MARCHF8: variants seen among roughly 807,000 people sequenced by gnomAD.
The protein encoded by MARCHF8 is membrane associated ring-CH-type finger 8, also known as E3 ubiquitin-protein ligase MARCHF8.
Under a neutral mutation model 51.6 loss-of-function variants are expected in MARCHF8, and 40 were observed. The observed-to-expected ratio is 0.77, with a 90% confidence interval of 0.60 to 1.01. MARCHF8 has a LOEUF of 1.01. Among genes scored for constraint, MARCHF8 ranks in the 50% least tolerant of loss-of-function variants. MARCHF8 has a pLI of 0.00. For missense variants in MARCHF8, 685 were observed against 708.6 expected (o/e 0.97, Z 0.38); for synonymous variants, 263 against 280.3 (o/e 0.94, Z 0.62).
At chr10:45,477,865 A>C (rs914696573) in intron 3 of MARCHF8, among the ~76,000 whole-genome samples, 1 of 152,234 alleles carries the variant, frequency 6.6e-6, no homozygotes, top group Admixed American at 6.5e-5. Flanking sequence ...TCAAGAGGCT[A>C]TAACACTTCT....
chr10:45,520,175 C>G (rs1564499265), intron 2 of MARCHF8, among the ~76,000 whole-genome samples: 1 of 152,164 alleles, frequency 6.6e-6, no homozygotes, highest in Non-Finnish European at 1.5e-5. Context: ...TGTAAGGATT[C>G]AATTTAGTGA....
In MARCHF8 at chr10:45,458,401, A is replaced by G. The variant is rs1489096684; in HGVS notation, c.1560T>C (p.Val520=). 1.9e-5 allele frequency: 30 copies of G among 1,614,048 alleles called. No individual in the cohort carries two copies. The highest frequency in any genetic ancestry group is 1.5e-4 in the Admixed American group (9 of 59,994). ...TTTTGCTTGTTTCTGGACAGTTTTG[A>G]ACATAGATCACTCTATTATAGGCCT... ...RLKAYNRVIY[V]QNCPETSKKN... The change falls in exon 8 of 8, where the codon GTT becomes GTC. Residue 520 remains valine, a synonymous_variant. Transcript: ENST00000453424.
At chr10:45,552,149 C>A (rs1166075056) in intron 1 of MARCHF8, among the ~76,000 whole-genome samples, 1 of 152,022 alleles carries the variant, frequency 6.6e-6, no homozygotes, top group East Asian at 1.9e-4. Flanking sequence ...AGTTTCCTAA[C>A]CTTTCTGCAC....
At chr10:45,580,877 C>T (rs2044547919) in intron 1 of MARCHF8, among the ~76,000 whole-genome samples, 1 of 152,148 alleles carries the variant, frequency 6.6e-6, no homozygotes, top group South Asian at 2.1e-4. Flanking sequence ...AAAAAACACA[C>T]CCATCTGTGT....
At chr10:45,499,608 AAAGT>A (rs896808205) in intron 2 of MARCHF8, among the ~76,000 whole-genome samples, 16 of 152,292 alleles carry the variant, frequency 1.1e-4, no homozygotes, top group African/African-American at 3.8e-4. Context: ...TACATGGTGT[AAAGT>A]AAGGGTCCAA....
chr10:45,547,782 G>A (rs921146962), intron 1 of MARCHF8, among the ~76,000 whole-genome samples: 7 of 152,092 alleles, frequency 4.6e-5, no homozygotes, highest in African/African-American at 1.4e-4. Context: ...ATAGTGACAG[G>A]CCTTTTGTTG....
intron 4 of MARCHF8, 98 bp from the exon 5 acceptor site, chr10:45,464,094 T>C (rs1436354326): frequency 9.2e-6 from 14 of 1,514,126 alleles, no homozygotes; most frequent in South Asian, 1.3e-5. Flanking sequence ...ATGGGTAACT[T>C]GGTGAGCAAA....
At chr10:45,468,108 T>C (rs984515375) in intron 3 of MARCHF8, among the ~76,000 whole-genome samples, 4 of 152,268 alleles carry the variant, frequency 2.6e-5, no homozygotes, top group Non-Finnish European at 5.9e-5. Context: ...TAAATACTTT[T>C]TGACAATTTG....
At chr10:45,483,693 G>C (rs1015974281) in intron 3 of MARCHF8, among the ~76,000 whole-genome samples, 3 of 152,156 alleles carry the variant, frequency 2.0e-5, no homozygotes, top group African/African-American at 7.2e-5. Context: ...AACAGGTAAA[G>C]AATTCGTGAC....
Position 45,543,797 on chromosome 10 carries a change from C to CAAAAAA in MARCHF8, c.-78-10514_-78-10509dup, listed in dbSNP as rs35514763. ...TGGGTGACAGAGTGAGACTCCGTCT[C>CAAAAAA]AAAAAAAAAAAAAAAAAAAAAAAGA... is the stretch of plus-strand genomic sequence containing the variant. On this transcript the variant is annotated intron_variant, in intron 1 of 6. Coordinates refer to the MARCHF8 transcript ENST00000319836. 1.4e-3 allele frequency among the ~76,000 whole-genome samples: 70 copies of CAAAAAA among 49,708 alleles called. 4 individuals are homozygous for CAAAAAA. The highest frequency in any genetic ancestry group is 1.6e-3 in the Non-Finnish European group (44 of 27,428). The allele number at this position is 49,708 out of a possible 152,430, so 32.6% of individuals were successfully genotyped here.
intron 1 of MARCHF8, among the ~76,000 whole-genome samples, chr10:45,549,677 C>T (rs9422440): frequency 0.062 from 9,398 of 152,246 alleles, 331 homozygotes; most frequent in Non-Finnish European, 0.066. Flanking sequence ...ACTTGTAAGA[C>T]GTGATCAAGC....
At chr10:45,493,646 G>A (rs1193706393) in intron 2 of MARCHF8, among the ~76,000 whole-genome samples, 1 of 152,110 alleles carries the variant, frequency 6.6e-6, no homozygotes, top group Non-Finnish European at 1.5e-5. Context: ...TTAGGTCTAG[G>A]GGGGACTCAG....
intron 1 of MARCHF8, among the ~76,000 whole-genome samples, chr10:45,578,409 AAATAAG>A (rs2044513938): frequency 6.6e-6 from 1 of 152,202 alleles, no homozygotes; most frequent in Non-Finnish European, 1.5e-5. Context: ...ACAGACCACT[AAATAAG>A]AATATGTATA....
intron 1 of MARCHF8, among the ~76,000 whole-genome samples, chr10:45,564,984 C>T (rs1218488603): frequency 1.8e-5 from 1 of 56,570 alleles, no homozygotes; most frequent in Non-Finnish European, 3.9e-5. Context: ...CTAGGATCCA[C>T]TAAAAAAAAA....
At chr10:45,587,166 G>A (rs1348142100) in intron 1 of MARCHF8, among the ~76,000 whole-genome samples, 5 of 152,090 alleles carry the variant, frequency 3.3e-5, no homozygotes, top group Admixed American at 6.6e-5. Flanking sequence ...ACGTAAAACT[G>A]TCTTTATTCA....
At chr10:45,563,667 T>C (rs1361746265) in intron 1 of MARCHF8, among the ~76,000 whole-genome samples, 1 of 152,088 alleles carries the variant, frequency 6.6e-6, no homozygotes, top group Non-Finnish European at 1.5e-5. Context: ...AAAAGTAAAA[T>C]GGCAAATATT....
At chr10:45,546,540 A>G (rs963829236) in intron 1 of MARCHF8, among the ~76,000 whole-genome samples, 4 of 152,086 alleles carry the variant, frequency 2.6e-5, no homozygotes, top group Non-Finnish European at 5.9e-5. Flanking sequence ...CTGGCACTTT[A>G]GGAAGCCAAG....
intron 3 of MARCHF8, among the ~76,000 whole-genome samples, chr10:45,475,613 G>A (rs2133011878): frequency 6.6e-6 from 1 of 152,156 alleles, no homozygotes; most frequent in South Asian, 2.1e-4. Context: ...GCCCATCACA[G>A]CCGCAAACTG....
At chr10:45,559,222 T>A (rs2044283893) in intron 1 of MARCHF8, among the ~76,000 whole-genome samples, 1 of 152,210 alleles carries the variant, frequency 6.6e-6, no homozygotes, top group Non-Finnish European at 1.5e-5. Flanking sequence ...TATGTGAAAA[T>A]CACTTGCAAA....
Sources: allele counts gnomAD v4.1 joint callset (sites outside exome capture counted in the v4.1 genomes callset), GRCh38; gene constraint gnomAD v4.1.1; transcripts MANE v1.5; gene names NCBI Gene and HGNC (gene_info 2026-07-23, HGNC 2026-07-21).